NUP35: variants seen among roughly 807,000 people sequenced by gnomAD.
The protein encoded by NUP35 is nucleoporin NUP35.
A neutral mutation model predicts 41.5 loss-of-function variants in NUP35; 25 were observed. That is an observed-to-expected ratio of 0.60 (90% CI 0.44 to 0.84). NUP35 has a LOEUF of 0.84. Ranked by LOEUF, NUP35 falls within the 40% of genes least tolerant of loss-of-function variation. The pLI, the probability that NUP35 is intolerant of heterozygous loss-of-function variation, is 0.00. For missense variants in NUP35, 396 were observed against 396.6 expected (o/e 1.00, Z 0.01); for synonymous variants, 149 against 130.7 (o/e 1.14, Z -0.96).
Position 183,133,622 on chromosome 2 carries a change from A to T in NUP35, c.396A>T (p.Thr132=). 1.3e-6 allele frequency: 2 copies of T among 1,569,414 alleles called. No homozygotes were observed. The highest frequency in any genetic ancestry group is 1.7e-6 in the Non-Finnish European group (2 of 1,164,622). The change falls in exon 4 of 9, where the codon ACA becomes ACT. Residue 132 remains threonine, a splice_region_variant and synonymous_variant. Transcript: ENST00000295119. ...TTGGAGTTACATCTACTCCTGGAAC[A>T]GGTAAGTGATTCTTTCTTTTTTTTT... ...PLVGVTSTPG[T]GQSMFSPASI...
Position 183,151,785 on chromosome 2 carries a change from CA to C in NUP35, c.539+137del. On this transcript the variant is annotated intron_variant, in intron 5 of 8. Coordinates refer to ENST00000295119, the MANE Select transcript of NUP35 (RefSeq NM_138285.5). The stretch of plus-strand genomic sequence containing the variant: ...ACTACCACCTAGGTTCTATGGTTAA[CA>C]GTTTGCTACATTTGCTTTGTCATTT... 3 of 697,638 alleles carry C rather than the reference CA, an allele frequency of 4.3e-6. No individual in the cohort carries two copies. The East Asian group carries it at 8.3e-5, about 19-fold the overall frequency. The allele number at this position is 697,638 out of a possible 1,614,324, so 43.2% of individuals were successfully genotyped here.
chr2:183,123,671 C>T (rs1700100151), upstream of NUP35: 1 of 471,332 alleles, frequency 2.1e-6, no homozygotes. Context: ...TTGAGCAAAA[C>T]TAAACAATAT....
chr2:183,156,500 C>T (rs1387975443), intron 5 of NUP35, among the ~76,000 whole-genome samples: 1 of 152,086 alleles, frequency 6.6e-6, no homozygotes, highest in African/African-American at 2.4e-5. Flanking sequence ...CCACCATGCC[C>T]AGCTGATTTT....
At chr2:183,118,151 A>G (rs774168445) in intron 1 of NUP35, among the ~76,000 whole-genome samples, 1 of 152,240 alleles carries the variant, frequency 6.6e-6, no homozygotes, top group East Asian at 1.9e-4. Context: ...AAATAGCACT[A>G]TGATGAAATC....
chr2:183,154,757 C>A lies in NUP35; in HGVS notation c.540-2687C>A, dbSNP rs185647931. Among the ~76,000 whole-genome samples the A allele has an allele frequency of 1.2e-4, 19 of 152,232 alleles. 1 individual carries two copies. The highest frequency in any genetic ancestry group is 4.6e-4 in the Admixed American group (7 of 15,286). On this transcript the variant is annotated intron_variant, in intron 5 of 8. Transcript: ENST00000295119. ...TATTAGCCAGTTCCAATGTCACTTC[C>A]ACATTTTTGGGTATCTTTTCAGCAA... is the stretch of plus-strand genomic sequence containing the variant.
intron 5 of NUP35, 91 bp downstream of exon 5, chr2:183,151,740 G>T: frequency 7.9e-7 from 1 of 1,265,586 alleles, no homozygotes; most frequent in Non-Finnish European, 1.1e-6. Context: ...GGAAAGAAGT[G>T]CATAGCAAAC....
Position 183,130,387 on chromosome 2 carries a change from C to CTTTT in NUP35, c.212-15_212-12dup, listed in dbSNP as rs34173657. 206 of 1,273,066 alleles carry CTTTT rather than the reference C, an allele frequency of 1.6e-4. 8 individuals carry two copies. The highest frequency in any genetic ancestry group is 5.0e-4 in the South Asian group (29 of 57,980). The allele number at this position is 1,273,066 out of a possible 1,614,324, so 78.9% of individuals were successfully genotyped here. On this transcript the variant is annotated intron_variant, in intron 2 of 8. Coordinates refer to ENST00000295119, the MANE Select transcript of NUP35 (RefSeq NM_138285.5). ...AAAATCTTACCAAAAAGAAGAATCCCTTTTTTTTTTTTTTTTTTTGTACAC... is the reference window on the plus strand; with the variant it reads ...AAAATCTTACCAAAAAGAAGAATCCCTTTTTTTTTTTTTTTTTTTTTTTGTACAC...
chr2:183,139,682 G>C (rs1051201784), intron 4 of NUP35, among the ~76,000 whole-genome samples: 1 of 152,130 alleles, frequency 6.6e-6, no homozygotes, highest in Non-Finnish European at 1.5e-5. Flanking sequence ...GGAGAGAGAA[G>C]GTGATGTTCA....
intron 4 of NUP35, among the ~76,000 whole-genome samples, chr2:183,145,597 A>T (rs189967842): frequency 3.3e-5 from 5 of 152,330 alleles, no homozygotes; most frequent in Admixed American, 1.3e-4. Context: ...ATAGTTGAAG[A>T]TTACCTGAAA....
intron 1 of NUP35, among the ~76,000 whole-genome samples, chr2:183,119,104 C>T (rs774217950): frequency 2.0e-5 from 3 of 152,162 alleles, no homozygotes; most frequent in African/African-American, 4.8e-5. Flanking sequence ...TGGATCTTAT[C>T]GGGAAGCTGC....
rs558477552 is a variant in NUP35, at chr2:183,125,722, A to G, written c.40+1225A>G. Among the ~76,000 whole-genome samples, 5 of 152,346 alleles carry G rather than the reference A, an allele frequency of 3.3e-5. No individual in the cohort carries two copies. In the East Asian group the frequency reaches 7.7e-4, roughly 24 times the overall value. ...TTGGGGTTACAAATGTGAGTAAACC[A>G]ATCCCTGTATATTGCCTTGCCAGAA... is the stretch of plus-strand genomic sequence containing the variant. On this transcript the variant is annotated intron_variant, in intron 1 of 8. Coordinates refer to ENST00000295119, the MANE Select transcript of NUP35 (RefSeq NM_138285.5).
At chr2:183,147,196 A>G (rs1685309824) in intron 4 of NUP35, among the ~76,000 whole-genome samples, 1 of 152,110 alleles carries the variant, frequency 6.6e-6, no homozygotes, top group African/African-American at 2.4e-5. Context: ...GCAGGAAGTC[A>G]TTAGTTTAAT....
At chr2:183,152,826 T>C (rs1685517230) in intron 5 of NUP35, among the ~76,000 whole-genome samples, 1 of 152,218 alleles carries the variant, frequency 6.6e-6, no homozygotes, top group Non-Finnish European at 1.5e-5. Flanking sequence ...CTTGGGTCTT[T>C]TGATATTCAA....
upstream of NUP35, among the ~76,000 whole-genome samples, chr2:183,120,826 C>T (rs1472088483): frequency 1.3e-5 from 2 of 152,084 alleles, no homozygotes; most frequent in African/African-American, 4.8e-5. Context: ...AAGAAAAAGA[C>T]AAAAGATGAG....
intron 4 of NUP35, among the ~76,000 whole-genome samples, chr2:183,147,760 G>C (rs144463061): frequency 3.9e-5 from 6 of 152,098 alleles, no homozygotes; most frequent in Non-Finnish European, 8.8e-5. Context: ...ATTCCTTTGG[G>C]CAATATGGTC....
At chr2:183,159,715 T>A in intron 8 of NUP35, 63 bp downstream of exon 8, 1 of 1,277,724 alleles carries the variant, frequency 7.8e-7, no homozygotes, top group Non-Finnish European at 1.1e-6. Context: ...CATGCTTAAC[T>A]TTTTCATTGT....
intron 6 of NUP35, among the ~76,000 whole-genome samples, chr2:183,157,976 C>T (rs1416378084): frequency 6.6e-6 from 1 of 152,040 alleles, no homozygotes; most frequent in Non-Finnish European, 1.5e-5. Context: ...TGACTTAACT[C>T]CTATACAAAA....
chr2:183,118,544 A>G lies in NUP35; in HGVS notation c.-121+918A>G, dbSNP rs537221447. 3.3e-5 allele frequency: 5 copies of G among 152,346 alleles called. No individual in the cohort carries two copies. The South Asian group carries it at 1.0e-3, about 32-fold the overall frequency. The allele number at this position is 152,346 out of a possible 1,614,324, so 9.4% of individuals were successfully genotyped here. ...ATGTCAGATAATTATCCTTTGTTTA[A>G]TGTTTATTTACAGCTTGTAATTAAT... On this transcript the variant is annotated intron_variant, in intron 1 of 9. Coordinates refer to the NUP35 transcript ENST00000409798.
intron 1 of NUP35, chr2:183,118,611 C>T (rs1157580514): frequency 6.6e-6 from 1 of 152,198 alleles, no homozygotes; most frequent in Non-Finnish European, 1.5e-5. Flanking sequence ...CCAAATTACA[C>T]AGCACCAAAA....
Sources: gnomAD v4.1 joint callset for allele counts (sites outside exome capture counted in the v4.1 genomes callset) on GRCh38, gnomAD v4.1.1 for gene constraint, MANE v1.5 for transcripts, NCBI Gene and HGNC (gene_info 2026-07-23, HGNC 2026-07-21) for gene names.